UBE2N: variants seen among roughly 807,000 people sequenced by gnomAD.
UBE2N encodes ubiquitin conjugating enzyme E2 N.
For synonymous variants in UBE2N, 70 were observed against 69.2 expected (o/e 1.01, Z -0.06); for missense variants, 60 against 192.1 (o/e 0.31, Z 4.07).
In UBE2N at chr12:93,424,428, C is replaced by T. The variant is rs966061613; in HGVS notation, c.31-13129G>A. The T allele has an allele frequency of 3.9e-5, 6 of 152,174 alleles. No individual in the cohort carries two copies. The East Asian group carries it at 9.6e-4, about 24-fold the overall frequency. The allele number at this position is 152,174 out of a possible 1,614,324, so 9.4% of individuals were successfully genotyped here. On this transcript the variant is annotated intron_variant, in intron 1 of 3. Coordinates refer to ENST00000318066, the MANE Select transcript of UBE2N (RefSeq NM_003348.4). Reference sequence around the variant, plus strand: ...GCAAACAAAAAAACAAGTTACATTTCGCTCAGATTTGCATTCTCAATCCAA... The same window carrying T: ...GCAAACAAAAAAACAAGTTACATTTTGCTCAGATTTGCATTCTCAATCCAA...
At chr12:93,431,130 G>A (rs1592749531) in intron 1 of UBE2N, among the ~76,000 whole-genome samples, 1 of 152,254 alleles carries the variant, frequency 6.6e-6, no homozygotes, top group Non-Finnish European at 1.5e-5. Flanking sequence ...GGAAGGCTGA[G>A]GCAGGAGAAT....
chr12:93,431,100 A>G (rs1049319592), intron 1 of UBE2N, among the ~76,000 whole-genome samples: 11 of 151,216 alleles, frequency 7.3e-5, no homozygotes, highest in African/African-American at 2.7e-4. Flanking sequence ...GGTGGCGGGC[A>G]CCTGTAATCC....
chr12:93,413,463 C>T (rs1303463263), intron 1 of UBE2N, among the ~76,000 whole-genome samples: 3 of 152,050 alleles, frequency 2.0e-5, no homozygotes, highest in African/African-American at 7.2e-5. Flanking sequence ...CATATCTAGC[C>T]CAGACCTCTC....
At chr12:93,410,484 G>A (rs1565791226) in intron 3 of UBE2N, 1 of 586,500 alleles carries the variant, frequency 1.7e-6, no homozygotes, top group East Asian at 2.9e-5. Flanking sequence ...TAAATGGTAT[G>A]CACTCAGTAT....
intron 1 of UBE2N, among the ~76,000 whole-genome samples, chr12:93,430,999 C>A (rs1878751178): frequency 6.6e-6 from 1 of 150,904 alleles, no homozygotes; most frequent in South Asian, 2.1e-4. Flanking sequence ...GAGGCCAAGG[C>A]GGGCGAATCA....
chr12:93,419,390 C>CAAAA (rs879328652), intron 1 of UBE2N, among the ~76,000 whole-genome samples: 1 of 98,962 alleles, frequency 1.0e-5, no homozygotes. Flanking sequence ...AACTCCGTCT[C>CAAAA]AAAAAAAAAA....
chr12:93,435,133 T>C (rs1878896721), intron 1 of UBE2N, among the ~76,000 whole-genome samples: 1 of 152,160 alleles, frequency 6.6e-6, no homozygotes, highest in South Asian at 2.1e-4. Context: ...CCATGCCTTT[T>C]TTTAATTGGA....
chr12:93,432,511 TAACA>T (rs1227628015), intron 1 of UBE2N, among the ~76,000 whole-genome samples: 1 of 151,688 alleles, frequency 6.6e-6, no homozygotes, highest in Non-Finnish European at 1.5e-5. Flanking sequence ...AGCTACTTAC[TAACA>T]TTTTCCCGAG....
intron 1 of UBE2N, among the ~76,000 whole-genome samples, chr12:93,415,306 T>A (rs182729652): frequency 6.6e-6 from 1 of 152,326 alleles, no homozygotes; most frequent in East Asian, 1.9e-4. Flanking sequence ...CTCAGCACAG[T>A]AATATACTGA....
Position 93,427,045 on chromosome 12 carries a change from A to C in UBE2N, c.30+14810T>G, listed in dbSNP as rs1161915821. 3.9e-5 allele frequency among the ~76,000 whole-genome samples: 6 copies of C among 152,044 alleles called. No homozygotes were observed. In the East Asian group the frequency reaches 1.2e-3, roughly 29 times the overall value. On this transcript the variant is annotated intron_variant, in intron 1 of 3. Coordinates refer to ENST00000318066, the MANE Select transcript of UBE2N (RefSeq NM_003348.4). ...AGCAATTCTCCCACCTCAGCCTCCC[A>C]AGTAGCTGGGATTACAGGCGTGTGC...
At chr12:93,415,019 T>C (rs1416897344) in intron 1 of UBE2N, among the ~76,000 whole-genome samples, 1 of 152,156 alleles carries the variant, frequency 6.6e-6, no homozygotes, top group African/African-American at 2.4e-5. Flanking sequence ...ATCGTTAACA[T>C]CATTAAGGCA....
At chr12:93,421,875 T>C (rs971973665) in intron 1 of UBE2N, among the ~76,000 whole-genome samples, 1 of 152,212 alleles carries the variant, frequency 6.6e-6, no homozygotes, top group Admixed American at 6.5e-5. Context: ...CATGGCATTG[T>C]GGTATTAAAT....
chr12:93,422,803 T>C (rs1878457390), intron 1 of UBE2N, among the ~76,000 whole-genome samples: 1 of 152,224 alleles, frequency 6.6e-6, no homozygotes, highest in African/African-American at 2.4e-5. Flanking sequence ...TTTAGTCATT[T>C]GTCTATGTTA....
chr12:93,439,234 C>G (rs959159923), intron 1 of UBE2N, among the ~76,000 whole-genome samples: 1 of 152,204 alleles, frequency 6.6e-6, no homozygotes, highest in African/African-American at 2.4e-5. Context: ...CGCCTGTGAT[C>G]CCAGCACTGT....
intron 1 of UBE2N, chr12:93,424,315 C>A (rs1413754134): frequency 6.6e-6 from 1 of 152,164 alleles, no homozygotes; most frequent in East Asian, 1.9e-4. Context: ...ATGCAGCAAT[C>A]ACAACAAAAT....
At position 93,409,779 on chromosome 12, in the gene UBE2N, A is replaced by T; in HGVS notation, c.*260T>A. The T allele has an allele frequency of 2.2e-6, 1 of 444,812 alleles. No homozygotes were observed. The highest frequency in any genetic ancestry group is 4.6e-5 in the Admixed American group (1 of 21,734). The allele number at this position is 444,812 out of a possible 1,614,324, so 27.6% of individuals were successfully genotyped here. ...TACTTAAACCAGGATGGGGGAAATG[A>T]ATAAAAGCAGGGAGGGGCCACTGCT... On this transcript the variant is annotated 3_prime_UTR_variant, in exon 4 of 4. Transcript: ENST00000318066.
intron 1 of UBE2N, among the ~76,000 whole-genome samples, chr12:93,426,596 G>A (rs180928117): frequency 6.6e-6 from 1 of 152,216 alleles, no homozygotes; most frequent in Non-Finnish European, 1.5e-5. Context: ...CTGAAGTCAA[G>A]CCACATACTG....
At chr12:93,427,675 T>A (rs607605) in intron 1 of UBE2N, among the ~76,000 whole-genome samples, 3 of 152,222 alleles carry the variant, frequency 2.0e-5, no homozygotes, top group Admixed American at 2.0e-4. Context: ...AGTGATGATG[T>A]TGTACTACTT....
intron 1 of UBE2N, among the ~76,000 whole-genome samples, chr12:93,427,995 C>T (rs1016725950): frequency 6.6e-6 from 1 of 152,078 alleles, no homozygotes; most frequent in Non-Finnish European, 1.5e-5. Context: ...GGCTCACTGC[C>T]GCCTCAACCT....
Sources: gnomAD v4.1 joint callset for allele counts (sites outside exome capture counted in the v4.1 genomes callset) on GRCh38, gnomAD v4.1.1 for gene constraint, MANE v1.5 for transcripts, NCBI Gene and HGNC (gene_info 2026-07-23, HGNC 2026-07-21) for gene names.